Variants in MRC1 observed in about 807,000 individuals in gnomAD.
MRC1 encodes mannose receptor C-type 1, also known as macrophage mannose receptor 1.
MRC1 carries 62 observed loss-of-function variants against 102.9 expected under a neutral mutation model. The ratio of observed to expected loss-of-function variants is 0.60; its 90% CI spans 0.49 to 0.74. The LOEUF is 0.74. Among genes scored for constraint, MRC1 ranks in the 30% least tolerant of loss-of-function variants. The probability of loss-of-function intolerance (pLI) is 0.00; values close to 1 mark genes in which losing one functional copy is unlikely to be tolerated. For missense variants in MRC1, 1,237 were observed against 862.8 expected, an observed-to-expected ratio of 1.43 and a Z score of -5.43; for synonymous variants, 457 against 298.4, an observed-to-expected ratio of 1.53 and a Z score of -5.48.
At chr10:17,822,491 C>T (rs976531475) in intron 1 of MRC1, among the ~76,000 whole-genome samples, 1 of 152,180 alleles carries the variant, frequency 6.6e-6, no homozygotes, top group East Asian at 1.9e-4. Context: ...TATGGTGGTA[C>T]AAGCCTGTAG....
chr10:17,868,679 GT>G (rs1199361879), intron 12 of MRC1, among the ~76,000 whole-genome samples: 1 of 152,204 alleles, frequency 6.6e-6, no homozygotes, highest in African/African-American at 2.4e-5. Flanking sequence ...CTGTAAGACA[GT>G]TTGGCAAGAC....
At chr10:17,906,254 T>G (rs1833893263) in intron 26 of MRC1, among the ~76,000 whole-genome samples, 1 of 151,990 alleles carries the variant, frequency 6.6e-6, no homozygotes, top group East Asian at 1.9e-4. Context: ...CACATTGCTC[T>G]TAATACCAAT....
At chr10:17,910,017 A>C (rs1157526615) in intron 29 of MRC1, among the ~76,000 whole-genome samples, 198 bp from the exon 30 acceptor site, 1 of 152,252 alleles carries the variant, frequency 6.6e-6, no homozygotes, top group Non-Finnish European at 1.5e-5. Flanking sequence ...TTATTCTTGC[A>C]ACTGAATAAT....
chr10:17,843,967 G>T (rs1320365045), intron 5 of MRC1, among the ~76,000 whole-genome samples: 3 of 152,180 alleles, frequency 2.0e-5, no homozygotes, highest in African/African-American at 7.2e-5. Context: ...AAGCTAGTTT[G>T]GGGAGTACTG....
chr10:17,832,881 GC>G (rs1332976838), intron 3 of MRC1, among the ~76,000 whole-genome samples: 1 of 152,096 alleles, frequency 6.6e-6, no homozygotes, highest in East Asian at 2.0e-4. Context: ...GAGCCGCTGT[GC>G]CCGGCTATTT....
intron 1 of MRC1, among the ~76,000 whole-genome samples, chr10:17,813,701 T>TATATA (rs199643443): frequency 0.069 from 7,320 of 106,522 alleles, 204 homozygotes; most frequent in South Asian, 0.1. Flanking sequence ...TATATATATA[T>TATATA]TTTTTTTTTT....
In MRC1 at chr10:17,867,148, T is replaced by C. The variant is rs893853014; in HGVS notation, c.1983+387T>C. On this transcript the variant is annotated intron_variant, in intron 12 of 29. Transcript: ENST00000569591. Reference sequence around the variant, plus strand: ...CTTCCTCCCTTCCTCCTTTCCTCCCTCCCTTCCTCTGTTCCTTCCTTCCTC... The same window carrying C: ...CTTCCTCCCTTCCTCCTTTCCTCCCCCCCTTCCTCTGTTCCTTCCTTCCTC... Among the ~76,000 whole-genome samples the C allele has an allele frequency of 9.8e-4, 129 of 131,296 alleles. 1 individual carries two copies. The highest frequency in any genetic ancestry group is 8.0e-3 in the Middle Eastern group (2 of 250). 86.1% of individuals were successfully genotyped at this position (131,296 alleles called of 152,430 possible).
intron 6 of MRC1, 137 bp downstream of exon 6, chr10:17,845,572 G>T: frequency 1.4e-6 from 1 of 714,988 alleles, no homozygotes; most frequent in East Asian, 2.5e-5. Flanking sequence ...TGATATTACT[G>T]CAATATTTCT....
chr10:17,871,422 G>C (rs1029250166), intron 14 of MRC1, among the ~76,000 whole-genome samples: 1 of 152,094 alleles, frequency 6.6e-6, no homozygotes, highest in Non-Finnish European at 1.5e-5. Flanking sequence ...GAACCCCGTG[G>C]GTTATGATTC....
intron 1 of MRC1, among the ~76,000 whole-genome samples, chr10:17,814,671 G>A (rs1416092127): frequency 2.1e-5 from 3 of 139,590 alleles, no homozygotes; most frequent in African/African-American, 5.3e-5. Context: ...CGGTCCTTCC[G>A]TCCCTCTTTT....
intron 22 of MRC1, among the ~76,000 whole-genome samples, chr10:17,892,130 A>G (rs916651582): frequency 2.0e-5 from 3 of 152,164 alleles, no homozygotes; most frequent in Non-Finnish European, 4.4e-5. Context: ...CTTATTAAGA[A>G]CAGAATGAAT....
intron 3 of MRC1, among the ~76,000 whole-genome samples, chr10:17,830,726 C>T (rs1201265032): frequency 6.6e-6 from 1 of 151,340 alleles, no homozygotes; most frequent in Non-Finnish European, 1.5e-5. Flanking sequence ...CAAACCTAAA[C>T]ATTAATTGAG....
chr10:17,870,046 T>C (rs1162034691), intron 12 of MRC1, among the ~76,000 whole-genome samples, 200 bp from the exon 13 acceptor site: 1 of 152,220 alleles, frequency 6.6e-6, no homozygotes, highest in African/African-American at 2.4e-5. Flanking sequence ...TAAGGTTTTC[T>C]CAATAAAAGA....
intron 8 of MRC1, 45 bp downstream of exon 8, chr10:17,853,169 G>A (rs919395997): frequency 6.4e-6 from 5 of 778,484 alleles, no homozygotes; most frequent in Middle Eastern, 2.3e-4. Flanking sequence ...AAGTCACGGG[G>A]GATTTTTCCT....
Position 17,872,135 on chromosome 10 carries a change from A to C in MRC1, c.2344+9A>C, listed in dbSNP as rs1290937345. 1.3e-6 allele frequency: 1 copy of C among 780,514 alleles called. No homozygotes were observed. The highest frequency in any genetic ancestry group is 2.4e-5 in the East Asian group (1 of 41,230). 48.3% of individuals were successfully genotyped at this position (780,514 alleles called of 1,614,324 possible). On this transcript the variant is annotated intron_variant, in intron 15 of 29. Coordinates refer to ENST00000569591, the MANE Select transcript of MRC1 (RefSeq NM_002438.4). ...TTGCCAGATACAAAAAGGTATGATC[A>C]CCTCTTCTCTCCTTTATCTCAGCTT...
intron 27 of MRC1, 72 bp from the exon 28 acceptor site, chr10:17,907,462 T>C (rs919048101): frequency 2.1e-5 from 16 of 777,586 alleles, no homozygotes; most frequent in Non-Finnish European, 3.4e-5. Context: ...AAATTTCACA[T>C]AAATTGGCTG....
At position 17,907,562 on chromosome 10, in the gene MRC1, G is replaced by A. The variant is rs781839916; in HGVS notation, c.3942G>A (p.Pro1314=). Residue 1314 remains proline, a synonymous_variant, in exon 28 of 30, where the codon CCG becomes CCA. Transcript: ENST00000569591. ...EGTWLWINNS[P]VSFVNWNTGD... is the part of the protein sequence containing the mutation. ...CGTGGCTGTGGATAAATAACAGTCC[G>A]GTCTCCTTTGTCAACTGGAACACAG... 33 of 780,788 alleles carry A rather than the reference G, an allele frequency of 4.2e-5. No individual in the cohort carries two copies. Among genetic ancestry groups the A allele is most frequent in the East Asian group, 7.3e-5 (3 of 41,238 alleles). The allele number at this position is 780,788 out of a possible 1,614,324, so 48.4% of individuals were successfully genotyped here.
chr10:17,856,402 T>C, intron 9 of MRC1, 50 bp downstream of exon 9: 2 of 811,238 alleles, frequency 2.5e-6, no homozygotes, highest in Non-Finnish European at 4.3e-6. Flanking sequence ...TATGAGTTGA[T>C]ACCGTTGGCT....
intron 1 of MRC1, among the ~76,000 whole-genome samples, chr10:17,815,497 T>A (rs1838296890): frequency 6.7e-6 from 1 of 149,056 alleles, no homozygotes. Flanking sequence ...TGTGGAGAAG[T>A]AGGAGGGTTC....
Sources: allele counts gnomAD v4.1 joint callset (sites outside exome capture counted in the v4.1 genomes callset), GRCh38; gene constraint gnomAD v4.1.1; transcripts MANE v1.5; gene names NCBI Gene and HGNC (gene_info 2026-07-23, HGNC 2026-07-21).